The following PLEKHA8 variants were observed in gnomAD, a reference collection of about 807,000 sequenced individuals.
PLEKHA8 encodes the protein pleckstrin homology domain containing A8.
Under a neutral mutation model 68.2 loss-of-function variants are expected in PLEKHA8, and 36 were observed. That is an observed-to-expected ratio of 0.53 (90% confidence interval 0.40 to 0.70). The LOEUF is 0.70. PLEKHA8 is among the 30% of genes least tolerant of loss of function. The pLI, the probability that PLEKHA8 is intolerant of heterozygous loss-of-function variation, is 0.00. For synonymous variants in PLEKHA8, 211 were observed against 216.1 expected (o/e 0.98, Z 0.20); for missense variants, 505 against 615.4 (o/e 0.82, Z 1.90).
At chr7:30,116,263 CATACATGTATGTATGT>C (rs1274577922) in intron 13 of PLEKHA8, among the ~76,000 whole-genome samples, 2 of 150,102 alleles carry the variant, frequency 1.3e-5, no homozygotes, top group Non-Finnish European at 3.0e-5. Flanking sequence ...CGTATACATG[CATACATGTATGTATGT>C]ATACATGTAT....
At chr7:30,042,846 C>G (rs1181497581) in intron 1 of PLEKHA8, among the ~76,000 whole-genome samples, 2 of 152,178 alleles carry the variant, frequency 1.3e-5, no homozygotes, top group Non-Finnish European at 2.9e-5. Flanking sequence ...GCTGAAACAT[C>G]ACCAATAATG....
chr7:30,085,590 C>T (rs1214979622), downstream of PLEKHA8, among the ~76,000 whole-genome samples: 2 of 152,140 alleles, frequency 1.3e-5, no homozygotes, highest in Non-Finnish European at 2.9e-5. Context: ...AGGATACCTA[C>T]GGATATGTAT....
intron 7 of PLEKHA8, among the ~76,000 whole-genome samples, 161 bp downstream of exon 7, chr7:30,053,027 T>G (rs1249721131): frequency 2.0e-5 from 3 of 152,176 alleles, no homozygotes; most frequent in African/African-American, 7.2e-5. Flanking sequence ...TGAACAACAT[T>G]CTTTCATCCA....
chr7:30,129,268 G>A (rs767520313), exon 14 of PLEKHA8: 62 of 1,612,672 alleles, frequency 3.8e-5, no homozygotes, highest in Non-Finnish European at 4.9e-5. Flanking sequence ...TGGTGTAGGT[G>A]TAGGAATGTG....
chr7:30,072,976 A>T (rs1256835101), intron 12 of PLEKHA8, among the ~76,000 whole-genome samples: 5 of 152,246 alleles, frequency 3.3e-5, no homozygotes, highest in African/African-American at 1.2e-4. Context: ...CCTGTGGAGA[A>T]ATCAGTTTTG....
At position 30,079,552 on chromosome 7, in the gene PLEKHA8, A is replaced by G; in HGVS notation, c.*765A>G. 1 of 916,826 alleles carries G rather than the reference A, an allele frequency of 1.1e-6. No individual in the cohort carries two copies. The highest frequency in any genetic ancestry group is 1.3e-6 in the Non-Finnish European group (1 of 767,484). The allele number at this position is 916,826 out of a possible 1,614,324, so 56.8% of individuals were successfully genotyped here. ...TCCCCATGCATTATCTCAATTGGAC[A>G]TCACAAGTAATGATACCCAGAGGGA... is the stretch of plus-strand genomic sequence containing the variant. On this transcript the variant is annotated 3_prime_UTR_variant, in exon 14 of 14. Transcript: ENST00000449726.
Position 30,045,134 on chromosome 7 carries a change from T to C in PLEKHA8, c.90T>C (p.Tyr30=), listed in dbSNP as rs930684575. 1 of 1,612,676 alleles carries C rather than the reference T, an allele frequency of 6.2e-7. No individual in the cohort carries two copies. The highest frequency in any genetic ancestry group is 2.2e-5 in the East Asian group (1 of 44,794). ...FLLCGGILSY[Y]DSPEDAWKGC... ...TCTGTGGGGGAATATTGTCCTATTA[T>C]GATTCTCCTGAAGATGCCTGGAAAG... The change falls in exon 2 of 14, where the codon TAT becomes TAC. Residue 30 remains tyrosine, a synonymous_variant. Coordinates refer to ENST00000449726, the MANE Select transcript of PLEKHA8 (RefSeq NM_001197026.2).
chr7:30,060,892 G>A lies in PLEKHA8; in HGVS notation c.1048G>A (p.Gly350Ser). 6.2e-7 allele frequency: 1 copy of A among 1,612,138 alleles called. No individual in the cohort carries two copies. Among genetic ancestry groups the A allele is most frequent in the Non-Finnish European group, 8.5e-7 (1 of 1,179,222 alleles). The change falls in exon 10 of 14, where the codon GGC becomes AGC. Residue 350 changes from glycine (G) to serine (S), a missense_variant. Transcript: ENST00000449726. Reference protein sequence around the residue: ...YAVVPVLDKLGPTVFAPVKMD... With the variant: ...YAVVPVLDKLSPTVFAPVKMD... ...TTAATCTTTTCTTCTAGACAAACTT[G>A]GCCCTACAGTGTTTGCTCCTGTTAA...
intron 12 of PLEKHA8, 69 bp from the exon 13 acceptor site, chr7:30,074,002 G>T: frequency 1.6e-6 from 2 of 1,224,550 alleles, no homozygotes; most frequent in Admixed American, 2.4e-5. Context: ...AAAAAAAAAA[G>T]TACATTATAC....
At chr7:30,085,643 A>T (rs919682574), downstream of PLEKHA8, among the ~76,000 whole-genome samples, 1 of 152,160 alleles carries the variant, frequency 6.6e-6, no homozygotes, top group African/African-American at 2.4e-5. Flanking sequence ...CGTCTCAGGG[A>T]ATCTTCCCAC....
At chr7:30,103,611 C>T (rs1288696605) in intron 13 of PLEKHA8, among the ~76,000 whole-genome samples, 1 of 152,132 alleles carries the variant, frequency 6.6e-6, no homozygotes, top group African/African-American at 2.4e-5. Flanking sequence ...GAAATCAGGC[C>T]CCACTTATAT....
intron 8 of PLEKHA8, 35 bp from the exon 9 acceptor site, chr7:30,055,222 C>T (rs775762503): frequency 6.4e-7 from 1 of 1,574,688 alleles, no homozygotes; most frequent in Non-Finnish European, 8.7e-7. Flanking sequence ...ACTGTATTTT[C>T]AATCTTTTCT....
At chr7:30,115,828 G>A (rs1470874830) in intron 13 of PLEKHA8, 16 of 141,106 alleles carry the variant, frequency 1.1e-4, no homozygotes, top group African/African-American at 2.9e-4. Context: ...ATACATGCGT[G>A]CACATACATG....
intron 4 of PLEKHA8, 51 bp from the exon 5 acceptor site, chr7:30,049,173 T>C (rs1241072725): frequency 6.2e-7 from 1 of 1,609,766 alleles, no homozygotes; most frequent in East Asian, 2.2e-5. Flanking sequence ...ACAATTGGGC[T>C]TTTTCTTTTT....
At chr7:30,028,951 C>G (rs1790432921) in intron 1 of PLEKHA8, 149 bp downstream of exon 1, 2 of 942,604 alleles carry the variant, frequency 2.1e-6, no homozygotes, top group South Asian at 5.5e-5. Flanking sequence ...AAGCAGTTCT[C>G]TCACGGGACC....
chr7:30,107,683 C>A (rs12701006), intron 13 of PLEKHA8, among the ~76,000 whole-genome samples: 6,277 of 152,216 alleles, frequency 0.041, 160 homozygotes, highest in Non-Finnish European at 0.063. Flanking sequence ...GCTATAGGTT[C>A]TTTGGTAGCT....
intron 9 of PLEKHA8, among the ~76,000 whole-genome samples, chr7:30,056,067 C>T (rs554231154): frequency 2.0e-4 from 30 of 150,882 alleles, no homozygotes; most frequent in South Asian, 1.0e-3. Context: ...CTCAGCCTCC[C>T]GAGTAGCTGG....
At chr7:30,030,848 G>A (rs141812606) in intron 1 of PLEKHA8, among the ~76,000 whole-genome samples, 2 of 152,228 alleles carry the variant, frequency 1.3e-5, no homozygotes, top group Non-Finnish European at 2.9e-5. Flanking sequence ...TGAGCATGTT[G>A]TGTTAGTGAC....
chr7:30,122,338 T>C (rs139225563), intron 13 of PLEKHA8, among the ~76,000 whole-genome samples: 87 of 152,322 alleles, frequency 5.7e-4, no homozygotes, highest in African/African-American at 1.9e-3. Context: ...TGGGCTTTTT[T>C]CCCCCACTTT....
Sources: gnomAD v4.1 joint callset for allele counts (sites outside exome capture counted in the v4.1 genomes callset) on GRCh38, gnomAD v4.1.1 for gene constraint, MANE v1.5 for transcripts, NCBI Gene and HGNC (gene_info 2026-07-23, HGNC 2026-07-21) for gene names.